Variants in ARMC8 observed in about 807,000 individuals in gnomAD.
The protein encoded by ARMC8 is armadillo repeat containing 8.
Under a neutral mutation model 99.3 loss-of-function variants are expected in ARMC8, and 20 were observed. That is an observed-to-expected ratio of 0.20 (90% CI 0.14 to 0.29). ARMC8 has a LOEUF of 0.29. Ranked by LOEUF, ARMC8 falls within the 10% of genes least tolerant of loss-of-function variation. The pLI is 1.00. For synonymous variants in ARMC8, 263 were observed against 278.3 expected (o/e 0.95, Z 0.55); for missense variants, 569 against 809.5 (o/e 0.70, Z 3.60).
At chr3:138,280,533 G>A (rs571302917) in intron 18 of ARMC8, among the ~76,000 whole-genome samples, 2 of 147,780 alleles carry the variant, frequency 1.4e-5, no homozygotes, top group Non-Finnish European at 3.0e-5. Flanking sequence ...TCGCTCTGTC[G>A]CCCAGGCTGG....
chr3:138,187,871 A>G, intron 1 of ARMC8: 1 of 504,762 alleles, frequency 2.0e-6, no homozygotes, highest in Non-Finnish European at 3.5e-6. Flanking sequence ...GCTTATAGAC[A>G]ACTGGCTGGG....
At chr3:138,272,451 A>C (rs531154301) in intron 16 of ARMC8, among the ~76,000 whole-genome samples, 1 of 151,672 alleles carries the variant, frequency 6.6e-6, no homozygotes, top group Non-Finnish European at 1.5e-5. Flanking sequence ...CACATTCCTC[A>C]TGTAGAAGTA....
intron 14 of ARMC8, among the ~76,000 whole-genome samples, chr3:138,266,902 C>G (rs1560016682): frequency 6.6e-6 from 1 of 152,148 alleles, no homozygotes; most frequent in African/African-American, 2.4e-5. Context: ...TGACATGTCT[C>G]TCTCCTCCCT....
intron 20 of ARMC8, 32 bp from the exon 21 acceptor site, chr3:138,290,514 A>G (rs2050835376): frequency 6.6e-7 from 1 of 1,507,676 alleles, no homozygotes; most frequent in South Asian, 1.2e-5. Flanking sequence ...TGCCTGGGTC[A>G]TGTTCCCAGT....
At chr3:138,218,479 T>C (rs548708112) in intron 2 of ARMC8, among the ~76,000 whole-genome samples, 1 of 152,290 alleles carries the variant, frequency 6.6e-6, no homozygotes, top group South Asian at 2.1e-4. Flanking sequence ...GAACATGCCA[T>C]TTTCATTTCC....
intron 15 of ARMC8, among the ~76,000 whole-genome samples, chr3:138,267,639 G>C (rs377541526): frequency 1.3e-5 from 2 of 152,116 alleles, no homozygotes; most frequent in Admixed American, 6.5e-5. Context: ...TGCTGTCATT[G>C]GAAAATCATC....
At chr3:138,226,689 C>T (rs896838854) in intron 5 of ARMC8, among the ~76,000 whole-genome samples, 3 of 152,086 alleles carry the variant, frequency 2.0e-5, no homozygotes, top group African/African-American at 7.2e-5. Context: ...AGTTTCTCAC[C>T]TACCCTCAAT....
At chr3:138,275,476 G>A (rs917843986) in intron 18 of ARMC8, among the ~76,000 whole-genome samples, 5 of 152,048 alleles carry the variant, frequency 3.3e-5, no homozygotes, top group Admixed American at 2.0e-4. Flanking sequence ...GGAGAATGGC[G>A]TGAACCTGGG....
At chr3:138,263,653 A>G in intron 12 of ARMC8, 86 bp from the exon 13 acceptor site, 3 of 1,162,660 alleles carry the variant, frequency 2.6e-6, no homozygotes, top group Non-Finnish European at 3.9e-6. Context: ...TAAACTTTTA[A>G]TGGATGTTAA....
intron 18 of ARMC8, among the ~76,000 whole-genome samples, chr3:138,280,747 C>A (rs960972659): frequency 1.3e-5 from 2 of 152,112 alleles, no homozygotes; most frequent in Admixed American, 1.3e-4. Context: ...CCACCTCGGC[C>A]TCCCACAGTG....
intron 1 of ARMC8, among the ~76,000 whole-genome samples, chr3:138,195,165 C>G (rs1159089300): frequency 6.6e-6 from 1 of 151,956 alleles, no homozygotes; most frequent in Non-Finnish European, 1.5e-5. Context: ...GTAGTCCCAG[C>G]TACTCGGGAG....
At chr3:138,187,798 C>T (rs962117041) in intron 1 of ARMC8, 199 bp downstream of exon 1, 1 of 584,192 alleles carries the variant, frequency 1.7e-6, no homozygotes, top group South Asian at 2.2e-5. Flanking sequence ...AAGACGTTTC[C>T]AACTCCGGGA....
At chr3:138,235,249 C>A in intron 7 of ARMC8, 135 bp downstream of exon 7, 30 of 541,702 alleles carry the variant, frequency 5.5e-5, no homozygotes, top group Non-Finnish European at 8.1e-5. Flanking sequence ...TATAGGGCAT[C>A]ATTTTAGCTA....
At chr3:138,199,807 T>C (rs1202120206) in intron 1 of ARMC8, among the ~76,000 whole-genome samples, 4 of 152,258 alleles carry the variant, frequency 2.6e-5, no homozygotes, top group Non-Finnish European at 5.9e-5. Context: ...GTCACTGGGC[T>C]TTAAAATGAA....
intron 12 of ARMC8, chr3:138,246,708 G>C (rs1013534991): frequency 1.0e-6 from 1 of 981,940 alleles, no homozygotes; most frequent in Non-Finnish European, 1.2e-6. Context: ...TTAATAAACT[G>C]TTTTGGAATT....
Position 138,298,028 on chromosome 3 carries a change from A to T in ARMC8, c.*2136A>T, listed in dbSNP as rs149536603. 7.9e-5 allele frequency: 12 copies of T among 152,358 alleles called. No homozygotes were observed. The highest frequency in any genetic ancestry group is 2.9e-4 in the African/African-American group (12 of 41,592). 9.4% of individuals were successfully genotyped at this position (152,358 alleles called of 1,614,324 possible). On this transcript the variant is annotated 3_prime_UTR_variant, in exon 22 of 22. Coordinates refer to ENST00000469044, the MANE Select transcript of ARMC8 (RefSeq NM_001363941.2). ...ATGGTCAAATTAAAAATGCTTTACT[A>T]TAATTAACTTTTCTGATTTGAATGA...
At chr3:138,262,545 C>G (rs773751217) in intron 12 of ARMC8, 12 of 1,612,264 alleles carry the variant, frequency 7.4e-6, no homozygotes, top group Admixed American at 1.7e-5. Flanking sequence ...TCATTTTAGT[C>G]TAGGTCAGTG....
chr3:138,189,338 A>C (rs767151965), intron 1 of ARMC8, among the ~76,000 whole-genome samples: 1 of 151,886 alleles, frequency 6.6e-6, no homozygotes, highest in African/African-American at 2.4e-5. Context: ...GGTCTATCAG[A>C]TCTTCACTCC....
At chr3:138,283,175 A>G (rs1235826378) in intron 18 of ARMC8, among the ~76,000 whole-genome samples, 1 of 152,258 alleles carries the variant, frequency 6.6e-6, no homozygotes, top group Non-Finnish European at 1.5e-5. Flanking sequence ...CTTACTCCCT[A>G]ATAATCTAGT....
Sources: gnomAD v4.1 joint callset for allele counts (sites outside exome capture counted in the v4.1 genomes callset) on GRCh38, gnomAD v4.1.1 for gene constraint, MANE v1.5 for transcripts, NCBI Gene and HGNC (gene_info 2026-07-23, HGNC 2026-07-21) for gene names.